RSPO2: variants seen among roughly 807,000 people sequenced by gnomAD.
The protein encoded by RSPO2 is R-spondin 2.
In RSPO2, 14 loss-of-function variants were observed where a neutral mutation model predicts 30.9. That is an observed-to-expected ratio of 0.45 (90% CI 0.30 to 0.71). The LOEUF (loss-of-function observed/expected upper bound fraction) is 0.71. Among genes scored for constraint, RSPO2 ranks in the 30% least tolerant of loss-of-function variants. RSPO2 has a pLI of 0.08. For missense variants in RSPO2, 264 were observed against 301.9 expected (o/e 0.87, Z 0.93); for synonymous variants, 107 against 96.4 (o/e 1.11, Z -0.64).
intron 2 of RSPO2, among the ~76,000 whole-genome samples, chr8:108,068,436 C>A (rs1271199687): frequency 6.6e-6 from 1 of 152,164 alleles, no homozygotes; most frequent in Non-Finnish European, 1.5e-5. Flanking sequence ...ATAACCACTA[C>A]TTGTTATACT....
chr8:108,075,008 C>A (rs1490041860), intron 2 of RSPO2, among the ~76,000 whole-genome samples: 1 of 152,132 alleles, frequency 6.6e-6, no homozygotes, highest in East Asian at 1.9e-4. Context: ...ATACTAAAAT[C>A]ATAAATATAA....
At chr8:107,999,555 C>G (rs1815156542) in intron 2 of RSPO2, among the ~76,000 whole-genome samples, 1 of 152,134 alleles carries the variant, frequency 6.6e-6, no homozygotes, top group Non-Finnish European at 1.5e-5. Context: ...GTGCCTCAGC[C>G]TCCCGAGTAG....
intron 2 of RSPO2, among the ~76,000 whole-genome samples, chr8:108,070,583 T>A (rs1812816063): frequency 6.6e-6 from 1 of 152,158 alleles, no homozygotes; most frequent in South Asian, 2.1e-4. Context: ...AGTAGTTTTG[T>A]TTAGTGTCCT....
chr8:108,003,299 ATATATATATATATTTTTTTTTTT>A (rs1432085200), intron 2 of RSPO2, among the ~76,000 whole-genome samples: 3 of 23,288 alleles, frequency 1.3e-4, no homozygotes, highest in African/African-American at 5.8e-4. Flanking sequence ...ATATATATAT[ATATATATATATATTTTTTTTTTT>A]TTTTTTTTTT....
At chr8:107,907,117 T>TA (rs1270547235) in intron 5 of RSPO2, among the ~76,000 whole-genome samples, 2 of 152,066 alleles carry the variant, frequency 1.3e-5, no homozygotes, top group African/African-American at 4.8e-5. Context: ...TTATTTTACT[T>TA]ATTTACATAA....
intron 2 of RSPO2, among the ~76,000 whole-genome samples, chr8:108,028,446 C>T (rs1811295163): frequency 6.6e-6 from 1 of 152,194 alleles, no homozygotes; most frequent in Non-Finnish European, 1.5e-5. Context: ...GACACTTTCT[C>T]TTCACTCCTG....
intron 2 of RSPO2, among the ~76,000 whole-genome samples, chr8:108,070,324 C>T (rs1050742938): frequency 2.3e-5 from 3 of 129,018 alleles, no homozygotes; most frequent in African/African-American, 5.9e-5. Flanking sequence ...CTCGCTCTGT[C>T]GCCCAGGCCG....
At chr8:107,995,993 A>C (rs922872181) in intron 2 of RSPO2, among the ~76,000 whole-genome samples, 51 of 152,272 alleles carry the variant, frequency 3.3e-4, no homozygotes, top group African/African-American at 1.2e-3. Context: ...CAATTTTTCC[A>C]GCTGCCTTCT....
chr8:108,043,348 C>T (rs1811812193), intron 2 of RSPO2, among the ~76,000 whole-genome samples: 1 of 152,282 alleles, frequency 6.6e-6, no homozygotes, highest in Non-Finnish European at 1.5e-5. Context: ...GGAACAACAA[C>T]TCAGTGAGAG....
chr8:107,967,204 C>T (rs1441755416), intron 3 of RSPO2, among the ~76,000 whole-genome samples: 3 of 152,190 alleles, frequency 2.0e-5, no homozygotes, highest in Non-Finnish European at 4.4e-5. Flanking sequence ...GTTCCCAAAA[C>T]ATTCAAAATT....
At chr8:108,002,005 T>A (rs957753551) in intron 2 of RSPO2, among the ~76,000 whole-genome samples, 3 of 152,188 alleles carry the variant, frequency 2.0e-5, no homozygotes, top group African/African-American at 7.2e-5. Flanking sequence ...TATACCTATG[T>A]AACAAACATG....
chr8:107,990,625 T>C (rs976899195), intron 2 of RSPO2, among the ~76,000 whole-genome samples: 6 of 152,208 alleles, frequency 3.9e-5, no homozygotes, highest in African/African-American at 1.4e-4. Flanking sequence ...ATAGCCATAC[T>C]GCCCAAAGCA....
intron 2 of RSPO2, among the ~76,000 whole-genome samples, chr8:108,076,310 A>T (rs1278259736): frequency 6.6e-6 from 1 of 152,224 alleles, no homozygotes; most frequent in Non-Finnish European, 1.5e-5. Context: ...TCGGCAGTCA[A>T]TATGGAGGCC....
intron 5 of RSPO2, among the ~76,000 whole-genome samples, chr8:107,936,306 G>A (rs1028073913): frequency 2.0e-5 from 3 of 152,078 alleles, no homozygotes; most frequent in African/African-American, 7.2e-5. Flanking sequence ...GTATTCCATT[G>A]TGTTTATATA....
chr8:108,042,628 G>A (rs1252993510), intron 2 of RSPO2, among the ~76,000 whole-genome samples: 1 of 152,136 alleles, frequency 6.6e-6, no homozygotes, highest in African/African-American at 2.4e-5. Context: ...CTGACAGCTA[G>A]GGAACCCAAA....
intron 5 of RSPO2, among the ~76,000 whole-genome samples, chr8:107,916,517 A>G (rs934425859): frequency 1.3e-5 from 2 of 152,226 alleles, no homozygotes; most frequent in Admixed American, 1.3e-4. Context: ...ACAGTTTTAC[A>G]TACAAAGTGC....
chr8:107,962,624 A>G, intron 3 of RSPO2, among the ~76,000 whole-genome samples: 1 of 152,180 alleles, frequency 6.6e-6, no homozygotes. Flanking sequence ...TAGCTGGTCA[A>G]TAACCTCTTA....
chr8:108,025,391 C>T (rs920548830), intron 2 of RSPO2, among the ~76,000 whole-genome samples: 1 of 152,124 alleles, frequency 6.6e-6, no homozygotes, highest in African/African-American at 2.4e-5. Flanking sequence ...AAGGAGGTCC[C>T]AGTGTTCCAT....
chr8:107,903,869 A>C (rs1428177453), intron 5 of RSPO2, among the ~76,000 whole-genome samples: 2 of 152,090 alleles, frequency 1.3e-5, no homozygotes, highest in Non-Finnish European at 2.9e-5. Flanking sequence ...TTGACCACAG[A>C]CAGGCCTAAA....
Sources: gnomAD v4.1 joint callset for allele counts (sites outside exome capture counted in the v4.1 genomes callset) on GRCh38, gnomAD v4.1.1 for gene constraint, MANE v1.5 for transcripts, NCBI Gene and HGNC (gene_info 2026-07-23, HGNC 2026-07-21) for gene names.